Variants in PHF20L1 observed in about 807,000 individuals in gnomAD.
The protein encoded by PHF20L1 is PHD finger protein 20-like protein 1.
PHF20L1 carries 44 observed loss-of-function variants against 125.5 expected under a neutral mutation model. That is an observed-to-expected ratio of 0.35 (90% CI 0.28 to 0.45). PHF20L1 has a LOEUF of 0.45. PHF20L1 is among the 20% of genes least tolerant of loss of function. The probability of loss-of-function intolerance (pLI) is 1.00; values close to 1 mark genes in which losing one functional copy is unlikely to be tolerated. For missense variants in PHF20L1, 1,012 were observed against 1,217.2 expected (o/e 0.83, Z 2.51); for synonymous variants, 380 against 403.1 (o/e 0.94, Z 0.69).
chr8:132,789,877 C>G (rs996337079), intron 2 of PHF20L1, among the ~76,000 whole-genome samples: 4 of 152,092 alleles, frequency 2.6e-5, no homozygotes, highest in African/African-American at 9.7e-5. Context: ...GTGAAGTTGC[C>G]TTCTCTCCAT....
intron 12 of PHF20L1, chr8:132,818,191 T>C (rs1359389452): frequency 6.6e-6 from 1 of 151,954 alleles, no homozygotes; most frequent in East Asian, 1.9e-4. Flanking sequence ...GGGTGCATTG[T>C]TTTATTTAGA....
At chr8:132,824,781 A>G (rs1350312623) in intron 13 of PHF20L1, 3 of 186,620 alleles carry the variant, frequency 1.6e-5, no homozygotes, top group Non-Finnish European at 3.5e-5. Flanking sequence ...AAACACACAA[A>G]GAATGTAAAT....
In PHF20L1 at chr8:132,845,879, G is replaced by A; in HGVS notation, c.3010G>A (p.Asp1004Asn). 1 of 1,612,434 alleles carries A rather than the reference G, an allele frequency of 6.2e-7. No homozygotes were observed. Among genetic ancestry groups the A allele is most frequent in the Non-Finnish European group, 8.5e-7 (1 of 1,178,816 alleles). ...ACGCCACATAAAACAGCTCCTAATT[G>A]ACATGGGCAAAGTACAGCAGATAGC... is the stretch of plus-strand genomic sequence containing the variant. ...LKRHIKQLLI[D>N]MGKVQQIATL... Residue 1004 changes from aspartate to asparagine, a missense_variant, in exon 21 of 21, where the codon GAC becomes AAC. Asp to Asn is a conservative substitution (Grantham distance 23). Coordinates refer to ENST00000395386, the MANE Select transcript of PHF20L1 (RefSeq NM_016018.5).
Position 132,848,312 on chromosome 8 carries a change from A to G in PHF20L1, c.*2389A>G, listed in dbSNP as rs1838555354. ...ATTTTTATGCATATTTTCATTTAAT[A>G]TAGAGTATACCAATCGATTGAAGCC... On this transcript the variant is annotated 3_prime_UTR_variant, in exon 21 of 21. Transcript: ENST00000395386. 6.5e-6 allele frequency: 1 copy of G among 152,686 alleles called. No homozygotes were observed. Among genetic ancestry groups the G allele is most frequent in the South Asian group, 2.1e-4 (1 of 4,830 alleles). The allele number at this position is 152,686 out of a possible 1,614,324, so 9.5% of individuals were successfully genotyped here. A position where few individuals can be genotyped will look rare whatever the true frequency, so the allele number is the denominator to read the frequency against.
intron 2 of PHF20L1, among the ~76,000 whole-genome samples, chr8:132,792,786 T>C (rs992545508): frequency 6.6e-6 from 1 of 152,156 alleles, no homozygotes; most frequent in Non-Finnish European, 1.5e-5. Flanking sequence ...ATTTGCTATC[T>C]CAAGAAATGT....
rs756882637 is a variant in PHF20L1, at chr8:132,839,595, CA to C, written c.2387+14del. 12 of 1,596,726 alleles carry C rather than the reference CA, an allele frequency of 7.5e-6. No individual in the cohort carries two copies. The South Asian group carries it at 1.3e-4, about 18-fold the overall frequency. On this transcript the variant is annotated intron_variant, in intron 18 of 20. Transcript: ENST00000395386. ...TTGGAATACTAAAGTAAGTGAAGGG[CA>C]GCAAAGGGAGGGTCACACTTCAGTG...
At chr8:132,802,827 A>G (rs1442813794) in intron 6 of PHF20L1, among the ~76,000 whole-genome samples, 3 of 151,880 alleles carry the variant, frequency 2.0e-5, no homozygotes, top group Non-Finnish European at 2.9e-5. Flanking sequence ...TAAACCGTGA[A>G]TTAAATTCAT....
intron 2 of PHF20L1, among the ~76,000 whole-genome samples, chr8:132,785,708 A>T (rs1830940505): frequency 6.6e-6 from 1 of 152,144 alleles, no homozygotes; most frequent in South Asian, 2.1e-4. Context: ...TTCAGTAATT[A>T]TAATTACCTC....
In PHF20L1 at chr8:132,836,665, A is replaced by G; in HGVS notation, c.2035A>G (p.Asn679Asp). Residue 679 changes from asparagine (N) to aspartate (D), a missense_variant, in exon 16 of 21, where the codon AAT becomes GAT. Transcript: ENST00000395386. ...ATCTCAGGATGAGGATGATGCTCTT[A>G]ATGAAATTGTGCGATGTATTTGTGA... ...EESQDEDDAL[N>D]EIVRCICEMD... 6.2e-7 allele frequency: 1 copy of G among 1,613,276 alleles called. No homozygotes were observed. Among genetic ancestry groups the G allele is most frequent in the African/African-American group, 1.3e-5 (1 of 74,970 alleles).
At chr8:132,834,624 G>T (rs1837141085) in intron 15 of PHF20L1, among the ~76,000 whole-genome samples, 1 of 152,032 alleles carries the variant, frequency 6.6e-6, no homozygotes, top group Non-Finnish European at 1.5e-5. Flanking sequence ...GTGAGCCGCT[G>T]TGCCCGGCCC....
At chr8:132,843,675 T>C (rs1342848534) in intron 19 of PHF20L1, 1 of 984,586 alleles carries the variant, frequency 1.0e-6, no homozygotes, top group Non-Finnish European at 1.2e-6. Context: ...TAAAAGGTTT[T>C]TGCCTTTCCC....
chr8:132,825,976 A>C (rs1279084351), intron 14 of PHF20L1, among the ~76,000 whole-genome samples: 1 of 152,020 alleles, frequency 6.6e-6, no homozygotes, highest in Non-Finnish European at 1.5e-5. Flanking sequence ...AAGCCACTAA[A>C]TTTATGGTAA....
intron 15 of PHF20L1, 81 bp from the exon 16 acceptor site, chr8:132,836,459 C>A: frequency 1.1e-6 from 1 of 894,394 alleles, no homozygotes; most frequent in Non-Finnish European, 1.7e-6. Flanking sequence ...CTTATGTTCA[C>A]TTCTCATAGC....
chr8:132,800,462 C>T (rs1832918861), intron 6 of PHF20L1, among the ~76,000 whole-genome samples: 2 of 151,570 alleles, frequency 1.3e-5, no homozygotes, highest in Admixed American at 6.6e-5. Flanking sequence ...GACTTGCCTT[C>T]ATCAAAGAAA....
At chr8:132,844,834 A>T (rs1315706152) in intron 20 of PHF20L1, among the ~76,000 whole-genome samples, 2 of 152,102 alleles carry the variant, frequency 1.3e-5, no homozygotes, top group Admixed American at 6.6e-5. Flanking sequence ...TCACTACTTT[A>T]TAGTTGAGAA....
At chr8:132,817,676 C>T (rs1407783698) in intron 12 of PHF20L1, 131 bp downstream of exon 12, 70 of 638,446 alleles carry the variant, frequency 1.1e-4, no homozygotes, top group Non-Finnish European at 1.3e-4. Flanking sequence ...AATACTTTAA[C>T]ATTTATAGGA....
In PHF20L1 at chr8:132,803,934, G is replaced by T. The variant is rs1833385285; in HGVS notation, c.623G>T (p.Trp208Leu). 2 of 1,611,162 alleles carry T rather than the reference G, an allele frequency of 1.2e-6. No individual in the cohort carries two copies. The highest frequency in any genetic ancestry group is 1.7e-6 in the Non-Finnish European group (2 of 1,177,948). ...NKDKDKDERK[W>L]FKVPSKKEET... is the part of the protein sequence containing the mutation. ...GATAAGGATAAAGATGAGAGAAAGT[G>T]GTTTAAAGTACCTTCAAAGAAGGAG... The change falls in exon 7 of 21, where the codon TGG becomes TTG. Residue 208 changes from tryptophan to leucine, a missense_variant. Transcript: ENST00000395386.
At position 132,799,091 on chromosome 8, in the gene PHF20L1, C is replaced by G. The variant is rs1338222278; in HGVS notation, c.430-4C>G. ...AAGTTATAGGTCACTAGTTTCTGTT[C>G]CAGGTGAAATCCCAGCATCCACTAA... On this transcript the variant is annotated splice_region_variant and splice_polypyrimidine_tract_variant and intron_variant, in intron 5 of 20. Coordinates refer to ENST00000395386, the MANE Select transcript of PHF20L1 (RefSeq NM_016018.5). 6.2e-7 allele frequency: 1 copy of G among 1,607,524 alleles called. No homozygotes were observed. Among genetic ancestry groups the G allele is most frequent in the Non-Finnish European group, 8.5e-7 (1 of 1,175,682 alleles).
rs754016190 is a variant in PHF20L1 at position 132,811,117 on chromosome 8, A to G, written c.919A>G (p.Met307Val). The change falls in exon 9 of 21, where the codon ATG (methionine) becomes GTG (valine). Residue 307 changes from methionine (M) to valine (V), a missense_variant. Coordinates refer to ENST00000395386, the MANE Select transcript of PHF20L1 (RefSeq NM_016018.5). The stretch of plus-strand genomic sequence containing the variant: ...GGAAGACTACAATGAAACAGCTCCA[A>G]TGCTGGAGCAGGTATGAAATGGTAG... ...KKEDYNETAP[M>V]LEQAISPKPQ... 1.2e-5 allele frequency: 19 copies of G among 1,611,458 alleles called. No homozygotes were observed. The highest frequency in any genetic ancestry group is 8.9e-5 in the East Asian group (4 of 44,828).
Sources: allele counts gnomAD v4.1 joint callset (sites outside exome capture counted in the v4.1 genomes callset), GRCh38; gene constraint gnomAD v4.1.1; transcripts MANE v1.5; gene names NCBI Gene and HGNC (gene_info 2026-07-23, HGNC 2026-07-21).